The following SMOC2 variants were observed in gnomAD, a reference collection of about 807,000 sequenced individuals.
SMOC2 encodes SPARC-related modular calcium-binding protein 2.
SMOC2 carries 39 observed loss-of-function variants against 61.4 expected under a neutral mutation model. That is an observed-to-expected ratio of 0.64 (90% confidence interval 0.49 to 0.83). The LOEUF is 0.83. Ranked by LOEUF, SMOC2 falls within the 40% of genes least tolerant of loss-of-function variation. The pLI is 0.00. For missense variants in SMOC2, 556 were observed against 592.9 expected (o/e 0.94, Z 0.65); for synonymous variants, 247 against 239.9 (o/e 1.03, Z -0.27).
rs150597060 is a variant in SMOC2 at position 168,470,567 on chromosome 6, C to T, written c.84+29113C>T. On this transcript the variant is annotated intron_variant, in intron 1 of 12. Transcript: ENST00000356284. Reference sequence around the variant, plus strand: ...TGGCTCATGTCTGTAGTCCTAGCAACTTAGGAGGCTGAGGTGGGAGGATCA... The same window carrying T: ...TGGCTCATGTCTGTAGTCCTAGCAATTTAGGAGGCTGAGGTGGGAGGATCA... 4.3e-3 allele frequency among the ~76,000 whole-genome samples: 653 copies of T among 152,130 alleles called. 4 individuals are homozygous for T. Among genetic ancestry groups the T allele is most frequent in the African/African-American group, 0.015 (633 of 41,510 alleles).
Position 168,534,943 on chromosome 6 carries a change from A to T in SMOC2, c.463+7216A>T, listed in dbSNP as rs73258929. ...AGGTCTATTTAAAGAATAATGGCTG[A>T]GTGCTTCTAGAGATTTTATTTTTAT... On this transcript the variant is annotated intron_variant, in intron 4 of 12. Coordinates refer to ENST00000356284, the MANE Select transcript of SMOC2 (RefSeq NM_001166412.2). Among the ~76,000 whole-genome samples the T allele has an allele frequency of 6.5e-3, 996 of 152,252 alleles. 6 individuals carry two copies. Among genetic ancestry groups the T allele is most frequent in the South Asian group, 0.028 (133 of 4,818 alleles).
intron 11 of SMOC2, chr6:168,655,426 C>A (rs1331099284): frequency 2.2e-6 from 1 of 456,386 alleles, no homozygotes; most frequent in Admixed American, 2.3e-5. Context: ...TGGCCAGAGC[C>A]CAGATGTTCT....
intron 1 of SMOC2, among the ~76,000 whole-genome samples, chr6:168,476,688 ACT>A (rs1356004855): frequency 1.3e-5 from 2 of 152,212 alleles, no homozygotes; most frequent in East Asian, 3.9e-4. Context: ...CCAAACTCTT[ACT>A]GTCGACATTT....
intron 1 of SMOC2, among the ~76,000 whole-genome samples, chr6:168,462,483 G>T (rs1031715067): frequency 3.3e-5 from 5 of 151,944 alleles, no homozygotes; most frequent in East Asian, 1.9e-4. Flanking sequence ...GCTCTCGAAG[G>T]TCCGGCTGCT....
chr6:168,457,246 C>T (rs1335224429), intron 1 of SMOC2, among the ~76,000 whole-genome samples: 1 of 152,184 alleles, frequency 6.6e-6, no homozygotes, highest in Non-Finnish European at 1.5e-5. Context: ...CAAAGTGCAG[C>T]TTCCAGTGAG....
chr6:168,467,091 C>T (rs1210592621), intron 1 of SMOC2, among the ~76,000 whole-genome samples: 4 of 151,318 alleles, frequency 2.6e-5, no homozygotes, highest in East Asian at 3.9e-4. Context: ...GCACTTCTGC[C>T]GTCCAGACTG....
At chr6:168,583,252 A>AGCCCT (rs1450125217) in intron 7 of SMOC2, among the ~76,000 whole-genome samples, 3 of 152,146 alleles carry the variant, frequency 2.0e-5, no homozygotes, top group Non-Finnish European at 4.4e-5. Flanking sequence ...TGCCTGGCTC[A>AGCCCT]GCCCTGCCCT....
intron 7 of SMOC2, among the ~76,000 whole-genome samples, chr6:168,596,155 G>A (rs1297766056): frequency 4.7e-5 from 4 of 84,278 alleles, no homozygotes; most frequent in African/African-American, 1.9e-4. Context: ...GGAATGAACA[G>A]GTGCCATGTG....
intron 7 of SMOC2, 62 bp downstream of exon 7, chr6:168,549,265 G>T (rs182331915): frequency 1.7e-5 from 25 of 1,474,926 alleles, no homozygotes; most frequent in African/African-American, 2.8e-5. Flanking sequence ...AAATGATGGG[G>T]TTTTTTTTTG....
intron 8 of SMOC2, among the ~76,000 whole-genome samples, chr6:168,601,713 G>T (rs1350303443): frequency 1.3e-5 from 2 of 152,122 alleles, no homozygotes; most frequent in Admixed American, 1.3e-4. Flanking sequence ...TCTTTAAGCT[G>T]TCAAACCCAG....
chr6:168,483,721 C>T (rs1782264455), intron 1 of SMOC2, among the ~76,000 whole-genome samples: 1 of 152,096 alleles, frequency 6.6e-6, no homozygotes, highest in African/African-American at 2.4e-5. Flanking sequence ...ACTGTAGTCA[C>T]ACAGTGTGGT....
intron 11 of SMOC2, among the ~76,000 whole-genome samples, chr6:168,657,340 C>T (rs1017169667): frequency 9.2e-5 from 14 of 152,254 alleles, no homozygotes; most frequent in Non-Finnish European, 1.6e-4. Context: ...GTGCTGCATG[C>T]AGCAAGGGCA....
At chr6:168,463,609 G>A (rs184671067) in intron 1 of SMOC2, among the ~76,000 whole-genome samples, 9 of 152,234 alleles carry the variant, frequency 5.9e-5, no homozygotes, top group Non-Finnish European at 8.8e-5. Context: ...CTCTGGAAAC[G>A]GAAGAAAGAA....
intron 2 of SMOC2, among the ~76,000 whole-genome samples, chr6:168,519,739 T>A (rs748174760): frequency 3.3e-5 from 5 of 152,164 alleles, no homozygotes; most frequent in Non-Finnish European, 5.9e-5. Flanking sequence ...TGCAAAGGAT[T>A]TAGTGACCAT....
intron 9 of SMOC2, among the ~76,000 whole-genome samples, chr6:168,611,820 G>A (rs540814324): frequency 1.3e-5 from 2 of 152,228 alleles, no homozygotes; most frequent in African/African-American, 4.8e-5. Flanking sequence ...ATCTCTCTTA[G>A]CTCCTGTGCC....
chr6:168,541,143 C>T (rs1345388139), intron 4 of SMOC2, among the ~76,000 whole-genome samples: 1 of 152,212 alleles, frequency 6.6e-6, no homozygotes, highest in Non-Finnish European at 1.5e-5. Context: ...CTTCTTCCAC[C>T]AGAAATTCGT....
At chr6:168,472,558 A>G (rs780556727) in intron 1 of SMOC2, among the ~76,000 whole-genome samples, 1 of 152,134 alleles carries the variant, frequency 6.6e-6, no homozygotes, top group Non-Finnish European at 1.5e-5. Context: ...GCAGACTCTC[A>G]TCTTTGAATT....
At position 168,598,891 on chromosome 6, in the gene SMOC2, C is replaced by T. The variant is rs749157128; in HGVS notation, c.711C>T (p.Ile237=). The T allele has an allele frequency of 6.2e-7, 1 of 1,613,870 alleles. No individual in the cohort carries two copies. Among genetic ancestry groups the T allele is most frequent in the Non-Finnish European group, 8.5e-7 (1 of 1,179,852 alleles). Residue 237 remains isoleucine (I), a synonymous_variant, in exon 8 of 13, where the codon ATC becomes ATT. Coordinates refer to ENST00000356284, the MANE Select transcript of SMOC2 (RefSeq NM_001166412.2). ...AKQPKNDNVV[I]PECAHGGLYK... is the part of the protein sequence containing the mutation. ...AGCCCAAGAACGACAATGTGGTGAT[C>T]CCTGAGTGTGCGCACGGCGGCCTCT...
chr6:168,492,641 T>G (rs1042420265), intron 1 of SMOC2, among the ~76,000 whole-genome samples: 1 of 152,250 alleles, frequency 6.6e-6, no homozygotes, highest in Non-Finnish European at 1.5e-5. Flanking sequence ...GGTAGGTTTC[T>G]CTAAATCAAC....
Sources: gnomAD v4.1 joint callset for allele counts (sites outside exome capture counted in the v4.1 genomes callset) on GRCh38, gnomAD v4.1.1 for gene constraint, MANE v1.5 for transcripts, NCBI Gene and HGNC (gene_info 2026-07-23, HGNC 2026-07-21) for gene names.